NR2C2: variants seen among roughly 807,000 people sequenced by gnomAD.
NR2C2 encodes the protein Nuclear hormone receptor TR4.
In NR2C2, 6 loss-of-function variants were observed where a neutral mutation model predicts 62.9. The observed-to-expected ratio is 0.10, with a 90% CI of 0.05 to 0.19. NR2C2 has a LOEUF of 0.19. NR2C2 is among the 10% of genes least tolerant of loss of function. The pLI is 1.00. For synonymous variants in NR2C2, 272 were observed against 273.8 expected (o/e 0.99, Z 0.07); for missense variants, 479 against 762.7 (o/e 0.63, Z 4.38).
intron 1 of NR2C2, among the ~76,000 whole-genome samples, chr3:14,993,561 C>T (rs769722559): frequency 1.3e-5 from 2 of 152,080 alleles, no homozygotes; most frequent in Non-Finnish European, 1.5e-5. Context: ...AATTTCTTAG[C>T]GGTCCCATCA....
chr3:15,042,820 A>G lies in NR2C2; in HGVS notation c.1617-14A>G, dbSNP rs1037838755. On this transcript the variant is annotated splice_polypyrimidine_tract_variant and intron_variant, in intron 13 of 13. Transcript: ENST00000425241. Reference sequence around the variant, plus strand: ...TCAAACAGTCTCCTTTTCTAATGACACTCCCTTTTATAGATTGGCCCGGAT... The same window carrying G: ...TCAAACAGTCTCCTTTTCTAATGACGCTCCCTTTTATAGATTGGCCCGGAT... 6.2e-7 allele frequency: 1 copy of G among 1,609,636 alleles called. No homozygotes were observed. The highest frequency in any genetic ancestry group is 8.5e-7 in the Non-Finnish European group (1 of 1,177,782).
chr3:15,003,900 C>G lies in NR2C2; in HGVS notation c.-15C>G, dbSNP rs779389179. 6.2e-6 allele frequency: 10 copies of G among 1,613,814 alleles called. No homozygotes were observed. The highest frequency in any genetic ancestry group is 8.5e-6 in the Non-Finnish European group (10 of 1,179,786). ...GGTAACACGTACACAGACCTCTCGG[C>G]CGGAATCTCCAGGGATGACCAGCCC... On this transcript the variant is annotated 5_prime_UTR_variant, in exon 2 of 14. Coordinates refer to ENST00000425241, the MANE Select transcript of NR2C2 (RefSeq NM_001291694.2).
intron 1 of NR2C2, among the ~76,000 whole-genome samples, chr3:14,966,412 G>A (rs1002272004): frequency 5.9e-5 from 9 of 152,108 alleles, no homozygotes; most frequent in Non-Finnish European, 1.3e-4. Context: ...TTAAATCCTC[G>A]TCTCTATTAT....
intron 1 of NR2C2, among the ~76,000 whole-genome samples, chr3:14,974,080 T>C (rs1453451996): frequency 1.3e-5 from 2 of 152,194 alleles, no homozygotes; most frequent in African/African-American, 2.4e-5. Flanking sequence ...TCTATACTTA[T>C]TAAACAGCAA....
At chr3:15,002,645 CTTTTTTTTTTT>C (rs371981775) in intron 1 of NR2C2, among the ~76,000 whole-genome samples, 62 of 39,512 alleles carry the variant, frequency 1.6e-3, no homozygotes, top group East Asian at 8.3e-3. Context: ...TCACAATATA[CTTTTTTTTTTT>C]TTTTTTTTTT....
chr3:15,029,152 C>T (rs2041902005), intron 8 of NR2C2, among the ~76,000 whole-genome samples: 1 of 147,460 alleles, frequency 6.8e-6, no homozygotes, highest in African/African-American at 2.5e-5. Context: ...ACCATGTTGC[C>T]TAGGCTGGTC....
intron 1 of NR2C2, among the ~76,000 whole-genome samples, chr3:14,995,727 CTA>C (rs1224934877): frequency 4.0e-5 from 6 of 148,478 alleles, no homozygotes; most frequent in Non-Finnish European, 5.9e-5. Flanking sequence ...CAAATAGTAA[CTA>C]TTTTCAAACT....
At chr3:15,006,445 A>G (rs1006342612) in intron 2 of NR2C2, among the ~76,000 whole-genome samples, 1 of 152,110 alleles carries the variant, frequency 6.6e-6, no homozygotes, top group South Asian at 2.1e-4. Context: ...TGTAAATTCT[A>G]TGTATACTAT....
intron 13 of NR2C2, 197 bp from the exon 14 acceptor site, chr3:15,042,636 CA>C: frequency 1.8e-6 from 1 of 555,784 alleles, no homozygotes; most frequent in Non-Finnish European, 3.2e-6. Context: ...TCTGTACATA[CA>C]TTTTGTACTC....
At chr3:15,038,575 CAGG>C (rs2042167320) in intron 12 of NR2C2, 1 of 165,472 alleles carries the variant, frequency 6.0e-6, no homozygotes, top group Admixed American at 5.7e-5. Flanking sequence ...GGTATGTTCG[CAGG>C]AGATGAAGAG....
intron 4 of NR2C2, among the ~76,000 whole-genome samples, chr3:15,018,556 AC>A (rs1161513530): frequency 1.3e-5 from 2 of 152,108 alleles, no homozygotes; most frequent in African/African-American, 4.8e-5. Context: ...ATGAGGTATC[AC>A]CTCCAGTTAG....
chr3:15,004,441 C>T, intron 2 of NR2C2: 2 of 1,025,102 alleles, frequency 2.0e-6, no homozygotes, highest in Admixed American at 5.9e-5. Flanking sequence ...TTATAAAGTG[C>T]TTAGAATGGT....
chr3:15,025,052 C>T (rs1559300603), intron 7 of NR2C2, among the ~76,000 whole-genome samples: 1 of 152,270 alleles, frequency 6.6e-6, no homozygotes, highest in African/African-American at 2.4e-5. Context: ...GGCCTTGCAC[C>T]TTCTGTCTTT....
At chr3:15,011,082 C>G (rs1005740106) in intron 2 of NR2C2, among the ~76,000 whole-genome samples, 4 of 152,130 alleles carry the variant, frequency 2.6e-5, no homozygotes, top group Non-Finnish European at 5.9e-5. Flanking sequence ...ATGCCTGAAT[C>G]CTAGCACTTT....
At chr3:14,978,628 C>G (rs116420424) in intron 1 of NR2C2, among the ~76,000 whole-genome samples, 1 of 152,074 alleles carries the variant, frequency 6.6e-6, no homozygotes, top group African/African-American at 2.4e-5. Flanking sequence ...TGTCTTGTTG[C>G]CAGTCTTTTT....
Position 15,016,269 on chromosome 3 carries a change from G to T in NR2C2, c.376+15G>T, listed in dbSNP as rs1016562882. On this transcript the variant is annotated intron_variant, in intron 4 of 13. Coordinates refer to ENST00000425241, the MANE Select transcript of NR2C2 (RefSeq NM_001291694.2). The stretch of plus-strand genomic sequence containing the variant: ...CAAAGCCTCCGGTATGTAGTTCCAG[G>T]TTATGCTGGCACTTATAATGGGCCA... 3 of 1,586,970 alleles carry T rather than the reference G, an allele frequency of 1.9e-6. No individual in the cohort carries two copies. The African/African-American group carries it at 4.0e-5, about 21-fold the overall frequency.
chr3:15,043,022 C>A lies in NR2C2; in HGVS notation c.*14C>A, dbSNP rs751532636. The A allele has an allele frequency of 1.9e-6, 3 of 1,610,290 alleles. No homozygotes were observed. The highest frequency in any genetic ancestry group is 2.5e-6 in the Non-Finnish European group (3 of 1,177,706). On this transcript the variant is annotated 3_prime_UTR_variant, in exon 14 of 14. Transcript: ENST00000425241. ...GCCAGTCTATAGCGCAAACCACACA[C>A]CTGCCAAGGAGCAACAGAATCCTTC...
intron 9 of NR2C2, among the ~76,000 whole-genome samples, chr3:15,031,749 G>A (rs1375359173): frequency 6.9e-6 from 1 of 144,910 alleles, no homozygotes; most frequent in South Asian, 2.2e-4. Context: ...TTTTTTTTTT[G>A]AGACTGAGTC....
In NR2C2 at chr3:15,047,097, G is replaced by T. The variant is rs1383908180; in HGVS notation, c.*4089G>T. On this transcript the variant is annotated 3_prime_UTR_variant, in exon 14 of 14. Coordinates refer to ENST00000425241, the MANE Select transcript of NR2C2 (RefSeq NM_001291694.2). Reference sequence around the variant, plus strand: ...CCTCTCCATATGTACAGTGTATATAGTGTGTGTATGTGTACATAGATGTAT... The same window carrying T: ...CCTCTCCATATGTACAGTGTATATATTGTGTGTATGTGTACATAGATGTAT... 6.6e-6 allele frequency: 1 copy of T among 152,620 alleles called. No homozygotes were observed. The highest frequency in any genetic ancestry group is 1.5e-5 in the Non-Finnish European group (1 of 68,042). The allele number at this position is 152,620 out of a possible 1,614,324, so 9.5% of individuals were successfully genotyped here. A position where few individuals can be genotyped will look rare whatever the true frequency, so the allele number is the denominator to read the frequency against.
Sources: allele counts gnomAD v4.1 joint callset (sites outside exome capture counted in the v4.1 genomes callset), GRCh38; gene constraint gnomAD v4.1.1; transcripts MANE v1.5; gene names NCBI Gene and HGNC (gene_info 2026-07-23, HGNC 2026-07-21).